Variants in CHN2 observed in about 807,000 individuals in gnomAD.
CHN2 encodes the protein beta-chimaerin.
In CHN2, 35 loss-of-function variants were observed where a neutral mutation model predicts 56.3. The ratio of observed to expected loss-of-function variants is 0.62; its 90% CI spans 0.47 to 0.82. CHN2 has a LOEUF of 0.82. CHN2 is among the 40% of genes least tolerant of loss of function. The pLI is 0.00. For synonymous variants in CHN2, 210 were observed against 212.8 expected (o/e 0.99, Z 0.12); for missense variants, 491 against 580.5 (o/e 0.85, Z 1.58).
intron 2 of CHN2, chr7:29,147,165 G>C: frequency 1.5e-6 from 1 of 680,110 alleles, no homozygotes; most frequent in Non-Finnish European, 2.4e-6. Context: ...CCAGGTGCTG[G>C]GCATCGAGCC....
chr7:29,428,928 T>C (rs1323697473), intron 6 of CHN2, among the ~76,000 whole-genome samples: 9 of 152,166 alleles, frequency 5.9e-5, no homozygotes, highest in Non-Finnish European at 1.0e-4. Context: ...GAGAGGCTTT[T>C]CTGGTCAGCT....
At chr7:29,317,096 A>G (rs1795007321) in intron 1 of CHN2, among the ~76,000 whole-genome samples, 1 of 152,242 alleles carries the variant, frequency 6.6e-6, no homozygotes, top group African/African-American at 2.4e-5. Flanking sequence ...TTGGCAGAGC[A>G]TCTGTAGAAG....
chr7:29,326,129 ATTGTTTGTTTGT>A (rs71555797), intron 1 of CHN2, among the ~76,000 whole-genome samples: 32 of 151,306 alleles, frequency 2.1e-4, no homozygotes, highest in East Asian at 9.8e-4. Context: ...TAGAGAAATT[ATTGTTTGTTTGT>A]TTGTTTGTTT....
chr7:29,300,475 C>G lies in CHN2; in HGVS notation c.50-54150C>G, dbSNP rs2128877232. Among the ~76,000 whole-genome samples the G allele has an allele frequency of 2.1e-5, 2 of 93,786 alleles. 1 individual carries two copies. Among genetic ancestry groups the G allele is most frequent in the South Asian group, 6.3e-4 (2 of 3,164 alleles). The allele number at this position is 93,786 out of a possible 152,430, so 61.5% of individuals were successfully genotyped here. On this transcript the variant is annotated intron_variant, in intron 1 of 12. Coordinates refer to ENST00000222792, the MANE Select transcript of CHN2 (RefSeq NM_004067.4). The stretch of plus-strand genomic sequence containing the variant: ...TGACACTGGCTTCTGAATGGACAAT[C>G]TTGGGAAAACATTGCCCTTTTATAT...
At chr7:29,504,685 T>C in intron 9 of CHN2, 59 bp from the exon 10 acceptor site, 1 of 1,137,218 alleles carries the variant, frequency 8.8e-7, no homozygotes, top group South Asian at 1.4e-5. Context: ...AATTAGTCTT[T>C]TTTTTTTTTT....
intron 1 of CHN2, chr7:29,195,268 G>C (rs1489312590): frequency 5.0e-6 from 2 of 398,752 alleles, no homozygotes. Context: ...AGCGAAAAGC[G>C]AAAGGAGCGG....
intron 2 of CHN2, among the ~76,000 whole-genome samples, chr7:29,178,293 T>G (rs139861723): frequency 3.9e-4 from 60 of 152,306 alleles, no homozygotes; most frequent in African/African-American, 1.3e-3. Context: ...TGGCTTCCCA[T>G]TGTGTCTAGA....
chr7:29,283,651 C>A (rs1397817393), intron 1 of CHN2, among the ~76,000 whole-genome samples: 1 of 152,020 alleles, frequency 6.6e-6, no homozygotes. Flanking sequence ...TGGAGTCTTG[C>A]TCTGTTGCCC....
intron 3 of CHN2, among the ~76,000 whole-genome samples, chr7:29,372,209 A>G (rs947989835): frequency 1.3e-5 from 2 of 151,850 alleles, no homozygotes; most frequent in African/African-American, 4.8e-5. Flanking sequence ...CATTCATTAA[A>G]AAAAAAGAAA....
rs570978541 is a variant in CHN2 at position 29,357,078 on chromosome 7, C to G, written c.88+2415C>G. On this transcript the variant is annotated intron_variant, in intron 2 of 12. Coordinates refer to ENST00000222792, the MANE Select transcript of CHN2 (RefSeq NM_004067.4). ...CACCCAGTAACATCTCTTAAAAGTA[C>G]TTCTATGTCTTGAGGAAGCTGGAAA... Among the ~76,000 whole-genome samples the G allele has an allele frequency of 9.2e-5, 14 of 152,288 alleles. No homozygotes were observed. In the South Asian group the frequency reaches 2.9e-3, roughly 32 times the overall value.
intron 2 of CHN2, among the ~76,000 whole-genome samples, chr7:29,188,880 A>G (rs1037230054): frequency 6.6e-6 from 1 of 151,982 alleles, no homozygotes; most frequent in Non-Finnish European, 1.5e-5. Context: ...TGAAATGTAA[A>G]TGTCACAGGA....
chr7:29,194,173 G>A (rs1342240848), upstream of CHN2: 2 of 150,624 alleles, frequency 1.3e-5, no homozygotes, highest in African/African-American at 4.9e-5. Context: ...GGCGCGGTGA[G>A]CCCCACCACC....
At chr7:29,210,372 G>C (rs1784823974) in intron 1 of CHN2, among the ~76,000 whole-genome samples, 1 of 151,708 alleles carries the variant, frequency 6.6e-6, no homozygotes, top group African/African-American at 2.4e-5. Context: ...AAGCCTTTTG[G>C]AATGTGACCT....
At chr7:29,489,116 T>A (rs1422392997) in intron 7 of CHN2, among the ~76,000 whole-genome samples, 2 of 152,250 alleles carry the variant, frequency 1.3e-5, no homozygotes, top group Admixed American at 1.3e-4. Context: ...AGAGCTGTGT[T>A]GAGAGATACT....
chr7:29,473,582 G>A (rs1309490729), intron 6 of CHN2, among the ~76,000 whole-genome samples: 2 of 150,810 alleles, frequency 1.3e-5, no homozygotes, highest in South Asian at 2.1e-4. Context: ...GTGTGGCCCC[G>A]AGACGAGCAA....
At chr7:29,342,157 G>T (rs1234097277) in intron 1 of CHN2, among the ~76,000 whole-genome samples, 1 of 152,212 alleles carries the variant, frequency 6.6e-6, no homozygotes, top group Non-Finnish European at 1.5e-5. Context: ...ACAGTGCCTG[G>T]CACATAAGTA....
intron 1 of CHN2, among the ~76,000 whole-genome samples, chr7:29,353,712 C>A (rs113581353): frequency 5.9e-5 from 9 of 152,164 alleles, no homozygotes; most frequent in Middle Eastern, 3.4e-3. Flanking sequence ...TTGTGGTGCA[C>A]CAGCGGTAGA....
chr7:29,396,599 C>G (rs1003060276), intron 4 of CHN2: 1 of 152,182 alleles, frequency 6.6e-6, no homozygotes, highest in Non-Finnish European at 1.5e-5. Context: ...TATTGTTACT[C>G]TGGCCCACGG....
chr7:29,148,042 T>G (rs551313656), intron 2 of CHN2, among the ~76,000 whole-genome samples: 2 of 152,124 alleles, frequency 1.3e-5, no homozygotes, highest in East Asian at 3.9e-4. Context: ...GAAGCAGCTG[T>G]CCCCCAGCCA....
Sources: gnomAD v4.1 joint callset for allele counts (sites outside exome capture counted in the v4.1 genomes callset) on GRCh38, gnomAD v4.1.1 for gene constraint, MANE v1.5 for transcripts, NCBI Gene and HGNC (gene_info 2026-07-23, HGNC 2026-07-21) for gene names.